The following PUS10 variants were observed in gnomAD, a reference collection of about 807,000 sequenced individuals.
PUS10 encodes pseudouridine synthase 10.
PUS10 carries 59 observed loss-of-function variants against 75.0 expected under a neutral mutation model. That is an observed-to-expected ratio of 0.79 (90% CI 0.64 to 0.98). The LOEUF (loss-of-function observed/expected upper bound fraction) is 0.98. Ranked by LOEUF, PUS10 falls within the 50% of genes least tolerant of loss-of-function variation. The pLI, the probability that PUS10 is intolerant of heterozygous loss-of-function variation, is 0.00. For synonymous variants in PUS10, 219 were observed against 211.6 expected, an observed-to-expected ratio of 1.03 and a Z score of -0.30; for missense variants, 650 against 614.4, an observed-to-expected ratio of 1.06 and a Z score of -0.61.
Position 61,018,233 on chromosome 2 carries a change from C to T in PUS10, c.-241G>A, listed in dbSNP as rs1439247563. 1 of 1,551,116 alleles carries T rather than the reference C, an allele frequency of 6.4e-7. No individual in the cohort carries two copies. The highest frequency in any genetic ancestry group is 1.4e-5 in the African/African-American group (1 of 73,142). On this transcript the variant is annotated 5_prime_UTR_variant, in exon 1 of 18. The change abolishes an upstream ATG in the 5' untranslated region. Transcript: ENST00000316752. ...GAGAGCGGCATTTGTCCAGCCACGGCATCGACAGGGAGCAAAGTCTCTCCT... is the reference window on the plus strand; with the variant it reads ...GAGAGCGGCATTTGTCCAGCCACGGTATCGACAGGGAGCAAAGTCTCTCCT...
chr2:60,983,806 C>T (rs760094355), intron 4 of PUS10, among the ~76,000 whole-genome samples: 14 of 151,006 alleles, frequency 9.3e-5, no homozygotes, highest in Non-Finnish European at 1.9e-4. Context: ...AAAGAAATGA[C>T]AAAACTATCA....
chr2:60,995,565 G>A (rs1678400545), intron 4 of PUS10, among the ~76,000 whole-genome samples: 1 of 152,176 alleles, frequency 6.6e-6, no homozygotes, highest in Non-Finnish European at 1.5e-5. Flanking sequence ...GTCTGAATTA[G>A]AAGTTCCCCT....
In PUS10 at chr2:61,008,929, A is replaced by G; in HGVS notation, c.213T>C (p.Ile71=). Residue 71 remains isoleucine, a synonymous_variant, in exon 3 of 18, where the codon ATT becomes ATC. Coordinates refer to ENST00000316752, the MANE Select transcript of PUS10 (RefSeq NM_144709.4). ...TACTATCTTCCAGTTCTTGCAGTCG[A>G]ATTTTCTTGGGAGGTGGGTTCATAA... is the stretch of plus-strand genomic sequence containing the variant. The part of the protein sequence containing the change: ...LEVMNPPPKK[I]RLQELEDSID... The G allele has an allele frequency of 6.2e-7, 1 of 1,613,832 alleles. No homozygotes were observed. The highest frequency in any genetic ancestry group is 8.5e-7 in the Non-Finnish European group (1 of 1,179,826).
At chr2:60,948,283 T>A (rs1241444876) in intron 15 of PUS10, 98 bp from the exon 16 acceptor site, 1 of 1,188,130 alleles carries the variant, frequency 8.4e-7, no homozygotes, top group Admixed American at 1.8e-5. Flanking sequence ...TCACCACAGA[T>A]GCTTCCTTGA....
intron 4 of PUS10, among the ~76,000 whole-genome samples, chr2:60,990,274 A>G (rs1331981963): frequency 6.6e-6 from 1 of 152,240 alleles, no homozygotes; most frequent in African/African-American, 2.4e-5. Flanking sequence ...TTAATAGTGG[A>G]TCAACCCTCC....
In PUS10 at chr2:60,941,998, C is replaced by CA; in HGVS notation, c.*396dup. 6.1e-6 allele frequency: 1 copy of CA among 163,302 alleles called. No homozygotes were observed. Among genetic ancestry groups the CA allele is most frequent in the Admixed American group, 6.3e-5 (1 of 15,830 alleles). The allele number at this position is 163,302 out of a possible 1,614,324, so 10.1% of individuals were successfully genotyped here. ...ATATAACTTTTATTCAGATAATTTA[C>CA]AAAAATTAGAACATGATTTTAAAGG... is the stretch of plus-strand genomic sequence containing the variant. On this transcript the variant is annotated 3_prime_UTR_variant, in exon 18 of 18. Transcript: ENST00000316752.
At chr2:60,992,074 C>A (rs1030184187) in intron 4 of PUS10, among the ~76,000 whole-genome samples, 3 of 149,826 alleles carry the variant, frequency 2.0e-5, no homozygotes, top group Non-Finnish European at 4.4e-5. Flanking sequence ...TATAGTGGTG[C>A]GATCTCAGCT....
intron 2 of PUS10, chr2:61,010,957 A>C: frequency 6.7e-7 from 1 of 1,495,144 alleles, no homozygotes; most frequent in Non-Finnish European, 9.0e-7. Context: ...TAAGACCTTG[A>C]CATATAGTAA....
In PUS10 at chr2:60,954,192, G is replaced by A. The variant is rs184886317; in HGVS notation, c.1058-34C>T. 83 of 1,606,088 alleles carry A rather than the reference G, an allele frequency of 5.2e-5. No homozygotes were observed. In the East Asian group the frequency reaches 5.6e-4, roughly 11 times the overall value. ...ACACACCCCGTCATGAAACAGAAAC[G>A]TGTTGATGGAGTTAACATTTGGGCT... On this transcript the variant is annotated intron_variant, in intron 12 of 17. Transcript: ENST00000316752.
intron 5 of PUS10, among the ~76,000 whole-genome samples, chr2:60,969,909 G>A (rs937182081): frequency 1.3e-5 from 2 of 152,078 alleles, no homozygotes; most frequent in African/African-American, 2.4e-5. Context: ...CCAACATGGT[G>A]AAACCCTGTG....
chr2:60,975,295 C>T (rs748204835), intron 4 of PUS10, among the ~76,000 whole-genome samples: 2 of 152,016 alleles, frequency 1.3e-5, no homozygotes, highest in Admixed American at 6.6e-5. Context: ...TACAGGTGCA[C>T]GCCACCACAC....
intron 4 of PUS10, among the ~76,000 whole-genome samples, chr2:60,999,710 T>C (rs1316543242): frequency 6.6e-6 from 1 of 152,198 alleles, no homozygotes; most frequent in African/African-American, 2.4e-5. Flanking sequence ...TAACCAACTA[T>C]ATAGTGCACA....
intron 4 of PUS10, among the ~76,000 whole-genome samples, chr2:60,981,912 C>G (rs1305836183): frequency 6.6e-6 from 1 of 151,994 alleles, no homozygotes; most frequent in Non-Finnish European, 1.5e-5. Flanking sequence ...GCAAGGACTT[C>G]TAGGGGTTGC....
intron 8 of PUS10, 75 bp from the exon 9 acceptor site, chr2:60,962,965 A>G: frequency 6.8e-7 from 1 of 1,465,240 alleles, no homozygotes; most frequent in South Asian, 1.4e-5. Flanking sequence ...AACACAGAAC[A>G]TGGCTGGAGA....
chr2:60,943,795 G>T (rs183039172), intron 17 of PUS10, among the ~76,000 whole-genome samples: 1 of 148,038 alleles, frequency 6.8e-6, no homozygotes, highest in Non-Finnish European at 1.5e-5. Context: ...TGTGTGTGTG[G>T]AGGGGAGGCA....
At chr2:60,948,550 C>T (rs1228408532) in intron 15 of PUS10, among the ~76,000 whole-genome samples, 3 of 152,042 alleles carry the variant, frequency 2.0e-5, no homozygotes, top group African/African-American at 7.2e-5. Context: ...TTAGGGAGAA[C>T]CACATACCTA....
intron 3 of PUS10, among the ~76,000 whole-genome samples, chr2:61,008,510 T>A (rs1180943750): frequency 2.0e-5 from 3 of 151,102 alleles, no homozygotes; most frequent in East Asian, 3.9e-4. Context: ...AGAAAAAAAA[T>A]TAGGTGGGCA....
chr2:60,999,574 C>T (rs1030335321), intron 4 of PUS10, among the ~76,000 whole-genome samples: 5 of 152,116 alleles, frequency 3.3e-5, no homozygotes, highest in African/African-American at 1.2e-4. Context: ...GAGCTGTGAT[C>T]ACATCACTGC....
intron 16 of PUS10, 124 bp from the exon 17 acceptor site, chr2:60,945,232 AC>A: frequency 3.3e-6 from 2 of 603,806 alleles, no homozygotes; most frequent in Non-Finnish European, 5.9e-6. Flanking sequence ...CTGAGCTCTG[AC>A]TTGTGTGTCT....
Sources: allele counts gnomAD v4.1 joint callset (sites outside exome capture counted in the v4.1 genomes callset), GRCh38; gene constraint gnomAD v4.1.1; transcripts MANE v1.5; gene names NCBI Gene and HGNC (gene_info 2026-07-23, HGNC 2026-07-21).